Variants in RAD51B observed in about 807,000 individuals in gnomAD.
RAD51B encodes RAD51 paralog B.
In RAD51B, 38 loss-of-function variants were observed where a neutral mutation model predicts 42.2. The observed-to-expected ratio is 0.90, with a 90% confidence interval of 0.70 to 1.18. The LOEUF (loss-of-function observed/expected upper bound fraction) is 1.18, where lower values mean the gene tolerates loss of function less well. Ranked by LOEUF, RAD51B falls within the 50% of genes most tolerant of loss-of-function variation. The pLI is 0.00. For synonymous variants in RAD51B, 154 were observed against 145.2 expected, an observed-to-expected ratio of 1.06 and a Z score of -0.43; for missense variants, 373 against 400.7, an observed-to-expected ratio of 0.93 and a Z score of 0.59.
chr14:68,455,736 AAT>A, intron 9 of RAD51B, among the ~76,000 whole-genome samples: 1 of 152,112 alleles, frequency 6.6e-6, no homozygotes, highest in African/African-American at 2.4e-5. Flanking sequence ...TTAAAAAAAA[AAT>A]TTTTTTTTAA....
At chr14:68,340,187 C>T (rs1408408912) in intron 8 of RAD51B, among the ~76,000 whole-genome samples, 1 of 152,158 alleles carries the variant, frequency 6.6e-6, no homozygotes, top group Non-Finnish European at 1.5e-5. Flanking sequence ...TTCCTTCTTC[C>T]TTTTTTTACC....
At chr14:67,855,253 C>CA (rs2041950864) in intron 4 of RAD51B, among the ~76,000 whole-genome samples, 1 of 150,760 alleles carries the variant, frequency 6.6e-6, no homozygotes, top group Admixed American at 6.6e-5. Flanking sequence ...TTTTTTGAGA[C>CA]AGAGTCTTGC....
rs1410470158 is a variant in RAD51B at position 68,611,241 on chromosome 14, A to AGT, written c.1275_1276dup (p.Ter426CysfsTer5). ...GAACAGAGACTTTGGATGAGCATCC[A>AGT]GTGTAACCCAGCCTAGTTTTTCACC... is the stretch of plus-strand genomic sequence containing the variant. On this transcript the variant is annotated frameshift_variant, in exon 11 of 11. Coordinates refer to the RAD51B transcript ENST00000487861. LOFTEE classifies it high-confidence loss of function. 3 of 702,898 alleles carry AGT rather than the reference A, an allele frequency of 4.3e-6. No individual in the cohort carries two copies. Among genetic ancestry groups the AGT allele is most frequent in the Non-Finnish European group, 7.8e-6 (3 of 384,964 alleles). 43.5% of individuals were successfully genotyped at this position (702,898 alleles called of 1,614,324 possible).
Position 67,860,848 on chromosome 14 carries a change from T to C in RAD51B, c.316-4155T>C, listed in dbSNP as rs2042140426. On this transcript the variant is annotated intron_variant, in intron 4 of 10. Transcript: ENST00000471583. ...TAGCAACACATAGGTTGATGTCAGATATGCAAAGAGAGTATTTCAGTATGG... is the reference window on the plus strand; with the variant it reads ...TAGCAACACATAGGTTGATGTCAGACATGCAAAGAGAGTATTTCAGTATGG... 2.6e-5 allele frequency among the ~76,000 whole-genome samples: 4 copies of C among 152,220 alleles called. No homozygotes were observed. In the South Asian group the frequency reaches 8.3e-4, roughly 32 times the overall value.
Position 68,654,812 on chromosome 14 carries a change from A to G in RAD51B, c.*11+3956A>G, listed in dbSNP as rs74871999. Among the ~76,000 whole-genome samples the G allele has an allele frequency of 8.6e-3, 1,314 of 152,056 alleles. 17 individuals carry two copies. Among genetic ancestry groups the G allele is most frequent in the African/African-American group, 0.03 (1,234 of 41,466 alleles). On this transcript the variant is annotated intron_variant, in intron 11 of 11. Coordinates refer to the RAD51B transcript ENST00000488612. ...GGTTCCTGTAAACAGGCTTTCCCAA[A>G]CCCTCTCAGGCTCCAAGAACCCGCT...
chr14:68,611,331 G>A, exon 11 of RAD51B: 1 of 682,232 alleles, frequency 1.5e-6, no homozygotes, highest in South Asian at 1.6e-5. Context: ...AACCTCCAGG[G>A]AAGTTGCTTC....
chr14:68,568,175 G>A (rs1365559717), intron 10 of RAD51B, among the ~76,000 whole-genome samples: 2 of 152,176 alleles, frequency 1.3e-5, no homozygotes, highest in Non-Finnish European at 2.9e-5. Flanking sequence ...ATAGTCTTGC[G>A]ACACAGAAAG....
intron 4 of RAD51B, among the ~76,000 whole-genome samples, chr14:67,846,250 G>T (rs1055022736): frequency 1.3e-5 from 2 of 152,182 alleles, no homozygotes; most frequent in Non-Finnish European, 2.9e-5. Context: ...GTGCGGTGCT[G>T]GCAGGTACAG....
intron 7 of RAD51B, among the ~76,000 whole-genome samples, chr14:68,171,558 C>T (rs1431480626): frequency 6.6e-6 from 1 of 152,086 alleles, no homozygotes; most frequent in Non-Finnish European, 1.5e-5. Flanking sequence ...ACCTCGGCCT[C>T]CCAAAGTGCT....
At chr14:68,122,405 G>A (rs1247824269) in intron 7 of RAD51B, among the ~76,000 whole-genome samples, 2 of 152,096 alleles carry the variant, frequency 1.3e-5, no homozygotes, top group Non-Finnish European at 2.9e-5. Context: ...GATGGGTAAA[G>A]GATAAGGACA....
At chr14:68,333,357 C>T (rs966474084) in intron 8 of RAD51B, among the ~76,000 whole-genome samples, 1 of 152,224 alleles carries the variant, frequency 6.6e-6, no homozygotes, top group African/African-American at 2.4e-5. Flanking sequence ...TGAGATCCCA[C>T]TCTTGCCATC....
intron 7 of RAD51B, among the ~76,000 whole-genome samples, chr14:68,242,697 T>C (rs2080416636): frequency 6.6e-6 from 1 of 152,232 alleles, no homozygotes; most frequent in African/African-American, 2.4e-5. Context: ...TCCTAGGTGC[T>C]AAACGCCATG....
At chr14:68,282,426 T>A (rs1336545618) in intron 7 of RAD51B, among the ~76,000 whole-genome samples, 1 of 152,184 alleles carries the variant, frequency 6.6e-6, no homozygotes, top group Non-Finnish European at 1.5e-5. Context: ...GCCATTTCAA[T>A]ATATTTGTTC....
At chr14:67,966,538 A>G (rs1229938239) in intron 7 of RAD51B, among the ~76,000 whole-genome samples, 2 of 152,212 alleles carry the variant, frequency 1.3e-5, no homozygotes, top group South Asian at 2.1e-4. Flanking sequence ...CACCACCATC[A>G]TCCCCAATCC....
chr14:68,517,116 G>T (rs954113467), intron 10 of RAD51B, among the ~76,000 whole-genome samples: 2 of 152,098 alleles, frequency 1.3e-5, no homozygotes, highest in African/African-American at 4.8e-5. Context: ...CACAACTCAG[G>T]ACACTCACAC....
chr14:68,674,104 CAT>C (rs1211647603), intron 11 of RAD51B, among the ~76,000 whole-genome samples: 1 of 152,042 alleles, frequency 6.6e-6, no homozygotes, highest in African/African-American at 2.4e-5. Flanking sequence ...CGCACACTTG[CAT>C]ATATATACAT....
intron 9 of RAD51B, among the ~76,000 whole-genome samples, chr14:68,442,694 C>A (rs1196060289): frequency 6.6e-6 from 1 of 151,994 alleles, no homozygotes; most frequent in South Asian, 2.1e-4. Context: ...CCGCCTCGGC[C>A]TCCCAAAGTG....
intron 10 of RAD51B, among the ~76,000 whole-genome samples, chr14:68,489,767 T>C (rs1308533840): frequency 1.3e-5 from 2 of 152,226 alleles, no homozygotes; most frequent in East Asian, 3.8e-4. Context: ...CTCAGGGTCA[T>C]TTGCTGTTTT....
chr14:68,130,220 A>G (rs1425938510), intron 7 of RAD51B: 1 of 152,238 alleles, frequency 6.6e-6, no homozygotes, highest in African/African-American at 2.4e-5. Flanking sequence ...GTGCCTTCAG[A>G]GGAGAAAATA....
Sources: allele counts gnomAD v4.1 joint callset (sites outside exome capture counted in the v4.1 genomes callset), GRCh38; gene constraint gnomAD v4.1.1; transcripts MANE v1.5; gene names NCBI Gene and HGNC (gene_info 2026-07-23, HGNC 2026-07-21).